The following PRB2 variants were observed in gnomAD, a reference collection of about 807,000 sequenced individuals.
PRB2 encodes proline rich protein BstNI subfamily 2, also known as basic salivary proline-rich protein 2.
Under a neutral mutation model 8.3 loss-of-function variants are expected in PRB2, and 12 were observed. The ratio of observed to expected loss-of-function variants is 1.45; its 90% CI spans 0.93 to 2.35. PRB2 has a LOEUF of 2.35. PRB2 is among the 30% of genes most tolerant of loss of function. The pLI is 0.00. For missense variants in PRB2, 470 were observed against 507.0 expected (o/e 0.93, Z 0.70); for synonymous variants, 146 against 180.0 (o/e 0.81, Z 1.51).
chr12:11,395,008 C>A (rs1864388265), intron 1 of PRB2, among the ~76,000 whole-genome samples: 1 of 152,064 alleles, frequency 6.6e-6, no homozygotes, highest in Non-Finnish European at 1.5e-5. Context: ...ATTTCTGTAT[C>A]TCTAGTTAAA....
At chr12:11,394,047 A>G in intron 2 of PRB2, 70 bp from the exon 3 acceptor site, 6 of 1,596,310 alleles carry the variant, frequency 3.8e-6, no homozygotes, top group Non-Finnish European at 5.1e-6. Context: ...AGTTGCAGTA[A>G]ATTTTTATCA....
At chr12:11,394,371 A>T (rs762101216) in intron 2 of PRB2, 124 bp downstream of exon 2, 289 of 1,232,936 alleles carry the variant, frequency 2.3e-4, no homozygotes, top group Non-Finnish European at 3.3e-4. Context: ...TGCCTATATT[A>T]TTAGGAGCAC....
At chr12:11,395,365 GC>G in intron 1 of PRB2, 100 bp downstream of exon 1, 1 of 1,467,094 alleles carries the variant, frequency 6.8e-7, no homozygotes. Context: ...AAACTCTGCA[GC>G]CCCATCTGTG....
intron 1 of PRB2, 61 bp downstream of exon 1, chr12:11,395,404 TA>T (rs1864393783): frequency 6.2e-7 from 1 of 1,602,236 alleles, no homozygotes; most frequent in African/African-American, 1.3e-5. Flanking sequence ...TCCCCGTAAT[TA>T]CCATTATCAC....
In PRB2 at chr12:11,393,440, T is replaced by A. The variant is rs754547975; in HGVS notation, c.638A>T (p.Gln213Leu). 1 of 1,193,072 alleles carries A rather than the reference T, an allele frequency of 8.4e-7. No homozygotes were observed. The highest frequency in any genetic ancestry group is 3.6e-5 in the East Asian group (1 of 27,700). 73.9% of individuals were successfully genotyped at this position (1,193,072 alleles called of 1,614,324 possible). A position where few individuals can be genotyped will look rare whatever the true frequency, so the allele number is the denominator to read the frequency against. The stretch of plus-strand genomic sequence containing the variant: ...TGGCTTTCCTGGAGGTGGGGGACCT[T>A]GAGGTTTGTTGCCTCCTTGTGGGGG... Reference protein sequence around the residue: ...GPPPQGGNKPQGPPPPGKPQG... With the variant: ...GPPPQGGNKPLGPPPPGKPQG... Residue 213 changes from glutamine (Q) to leucine (L), a missense_variant, in exon 3 of 4, where the codon CAA becomes CTA. By Grantham distance (113) the Gln-to-Leu change is moderately radical. Around this residue, in one of 4 missense-constraint regions of PRB2, gnomAD observed 37 missense variants for 66.0 expected, o/e 0.56. Coordinates refer to ENST00000389362, the MANE Select transcript of PRB2 (RefSeq NM_006248.4).
At chr12:11,394,272 C>G (rs772128497) in intron 2 of PRB2, among the ~76,000 whole-genome samples, 1 of 152,140 alleles carries the variant, frequency 6.6e-6, no homozygotes, top group African/African-American at 2.4e-5. Flanking sequence ...GATGAGGTAA[C>G]CCACTCCTGC....
In PRB2 at chr12:11,393,275, G is replaced by T. The variant is rs201443552; in HGVS notation, c.803C>A (p.Pro268Gln). The T allele has an allele frequency of 4.8e-4, 539 of 1,134,144 alleles. No individual in the cohort carries two copies. The highest frequency in any genetic ancestry group is 2.0e-3 in the East Asian group (64 of 32,458). 70.3% of individuals were successfully genotyped at this position (1,134,144 alleles called of 1,614,324 possible). A position where few individuals can be genotyped will look rare whatever the true frequency, so the allele number is the denominator to read the frequency against. The part of the protein sequence containing the change: ...PPPGKPQGPP[P>Q]QGGNKPQGPP... ...ACCTTGAGGTTTGTTGCCTCCTTGTGGGGGTGGTCCTTGTGGCTTTCCTGG... is the reference window on the plus strand; with the variant it reads ...ACCTTGAGGTTTGTTGCCTCCTTGTTGGGGTGGTCCTTGTGGCTTTCCTGG... The change falls in exon 3 of 4, where the codon CCA becomes CAA. Residue 268 changes from proline to glutamine, a missense_variant. This residue lies in a region of PRB2 where 205 missense variants were observed against 195.0 expected (regional missense o/e 1.05). Transcript: ENST00000389362.
intron 3 of PRB2, among the ~76,000 whole-genome samples, chr12:11,391,971 C>T (rs1245419951): frequency 9.6e-6 from 1 of 103,638 alleles, no homozygotes; most frequent in Non-Finnish European, 1.9e-5. Flanking sequence ...AAGCTGAAAC[C>T]ACCCTCAGTG....
rs557434522 is a variant in PRB2, at chr12:11,393,960, G to A, written c.118C>T (p.Pro40Ser). Residue 40 changes from proline to serine, a missense_variant, in exon 3 of 4, where the codon CCC (proline) becomes TCC (serine). Coordinates refer to ENST00000389362, the MANE Select transcript of PRB2 (RefSeq NM_006248.4). ...SLIAGNPQGA[P>S]PQGGNKPQGP... ...TGAGGTTTGTTGCCTCCTTGTGGGGGTGCTCCTTGTGGATTTCCTGGAGAA... is the reference window on the plus strand; with the variant it reads ...TGAGGTTTGTTGCCTCCTTGTGGGGATGCTCCTTGTGGATTTCCTGGAGAA... 6 of 1,587,780 alleles carry A rather than the reference G, an allele frequency of 3.8e-6. No homozygotes were observed. Among genetic ancestry groups the A allele is most frequent in the East Asian group, 2.4e-5 (1 of 42,250 alleles).
In PRB2 at chr12:11,393,047, T is replaced by A. The variant is rs772491450; in HGVS notation, c.1031A>T (p.Lys344Met). 1.2e-6 allele frequency: 2 copies of A among 1,600,256 alleles called. No homozygotes were observed. The highest frequency in any genetic ancestry group is 1.7e-5 in the Admixed American group (1 of 58,656). Residue 344 changes from lysine to methionine, a missense_variant, in exon 3 of 4, where the codon AAG becomes ATG. Lys to Met is a moderately conservative substitution (Grantham distance 95). Around this residue, in one of 4 missense-constraint regions of PRB2, gnomAD observed 205 missense variants for 195.0 expected, o/e 1.05. Transcript: ENST00000389362. ...NKPQGPPPPG[K>M]PQGPPPQGGS... is the part of the protein sequence containing the mutation. ...TCCTTGTGGGGGTGGTCCTTGTGGC[T>A]TTCCTGGAGGTGGGGGACCTTGAGG...
chr12:11,394,663 G>C, intron 1 of PRB2, 133 bp from the exon 2 acceptor site: 1 of 1,215,504 alleles, frequency 8.2e-7, no homozygotes. Flanking sequence ...GCCACCATCT[G>C]TGAAGCTGCT....
In PRB2 at chr12:11,393,369, A is replaced by T; in HGVS notation, c.709T>A (p.Ser237Thr). 1 of 1,570,928 alleles carries T rather than the reference A, an allele frequency of 6.4e-7. No individual in the cohort carries two copies. Among genetic ancestry groups the T allele is most frequent in the South Asian group, 1.1e-5 (1 of 88,972 alleles). ...QGDNKSQSAR[S>T]PPGKPQGPPP... ...GGTCCTTGTGGCTTTCCTGGAGGAG[A>T]TCGGGCACTTTGGGACTTGTTGTCT... The change falls in exon 3 of 4, where the codon TCT becomes ACT. Residue 237 changes from serine (S) to threonine (T), a missense_variant. Coordinates refer to ENST00000389362, the MANE Select transcript of PRB2 (RefSeq NM_006248.4).
Position 11,394,541 on chromosome 12 carries a change from A to C in PRB2, c.65-11T>G, listed in dbSNP as rs1236329179. The C allele has an allele frequency of 6.2e-7, 1 of 1,613,048 alleles. No homozygotes were observed. The highest frequency in any genetic ancestry group is 8.5e-7 in the Non-Finnish European group (1 of 1,179,148). ...CTTCCTGGCTGACATCTAGAAGAGA[A>C]GCACAGGATGATGGGAACAGTTACA... On this transcript the variant is annotated splice_polypyrimidine_tract_variant and intron_variant, in intron 1 of 3. Coordinates refer to ENST00000389362, the MANE Select transcript of PRB2 (RefSeq NM_006248.4).
At position 11,393,331 on chromosome 12, in the gene PRB2, T is replaced by C. The variant is rs1333919037; in HGVS notation, c.747A>G (p.Gly249=). 4 of 1,567,336 alleles carry C rather than the reference T, an allele frequency of 2.6e-6. No homozygotes were observed. The highest frequency in any genetic ancestry group is 3.4e-6 in the Non-Finnish European group (4 of 1,165,958). ...GTGGGGGACCTTGGGGCTGGTTGCC[T>C]CCTTGTGGGGGTGGTCCTTGTGGCT... ...PGKPQGPPPQ[G]GNQPQGPPPP... The change falls in exon 3 of 4, where the codon GGA becomes GGG. Residue 249 remains glycine, a synonymous_variant. Coordinates refer to ENST00000389362, the MANE Select transcript of PRB2 (RefSeq NM_006248.4).
chr12:11,394,086 A>G, intron 2 of PRB2, 109 bp from the exon 3 acceptor site: 1 of 1,430,218 alleles, frequency 7.0e-7, no homozygotes, highest in Admixed American at 1.8e-5. Flanking sequence ...GTGGGGAAAC[A>G]CACAAAAATG....
At position 11,394,542 on chromosome 12, in the gene PRB2, G is replaced by A. The variant is rs1220448163; in HGVS notation, c.65-12C>T. ...TTCCTGGCTGACATCTAGAAGAGAA[G>A]CACAGGATGATGGGAACAGTTACAT... On this transcript the variant is annotated splice_polypyrimidine_tract_variant and intron_variant, in intron 1 of 3. Transcript: ENST00000389362. 3.1e-6 allele frequency: 5 copies of A among 1,612,876 alleles called. No individual in the cohort carries two copies. The highest frequency in any genetic ancestry group is 1.7e-5 in the Admixed American group (1 of 59,992).
At chr12:11,392,697 T>C in intron 3 of PRB2, 97 bp downstream of exon 3, 2 of 651,824 alleles carry the variant, frequency 3.1e-6, no homozygotes. Flanking sequence ...TCTGGGACTA[T>C]ACAATGCCAA....
At position 11,394,481 on chromosome 12, in the gene PRB2, G is replaced by C. The variant is rs1487274388; in HGVS notation, c.100+14C>G. ...AAGACAGTCAGAACAGATTGAGAAT[G>C]AATCGGGATTTACCTGCTATTAGGG... On this transcript the variant is annotated intron_variant, in intron 2 of 3. Transcript: ENST00000389362. 3.1e-6 allele frequency: 5 copies of C among 1,611,990 alleles called. No individual in the cohort carries two copies. The highest frequency in any genetic ancestry group is 3.4e-6 in the Non-Finnish European group (4 of 1,177,976).
chr12:11,394,444 C>T (rs1362515786), intron 2 of PRB2, 51 bp downstream of exon 2: 6 of 1,588,262 alleles, frequency 3.8e-6, no homozygotes, highest in Non-Finnish European at 5.2e-6. Context: ...CTGATCCATT[C>T]ATAAGCAGAA....
Sources: gnomAD v4.1 joint callset for allele counts (sites outside exome capture counted in the v4.1 genomes callset) on GRCh38, gnomAD v4.1.1 for gene constraint, gnomAD v4.1.1 regional missense constraint, MANE v1.5 for transcripts, NCBI Gene and HGNC (gene_info 2026-07-23, HGNC 2026-07-21) for gene names.